Variants in UHRF2 observed in about 807,000 individuals in gnomAD.
UHRF2 encodes the protein ubiquitin like with PHD and ring finger domains 2, also known as E3 ubiquitin-protein ligase UHRF2.
In UHRF2, 23 loss-of-function variants were observed where a neutral mutation model predicts 96.8. That is an observed-to-expected ratio of 0.24 (90% CI 0.17 to 0.34). UHRF2 has a LOEUF of 0.34. Ranked by LOEUF, UHRF2 falls within the 10% of genes least tolerant of loss-of-function variation. The probability of loss-of-function intolerance (pLI) is 1.00; values close to 1 mark genes in which losing one functional copy is unlikely to be tolerated. For synonymous variants in UHRF2, 385 were observed against 332.6 expected (o/e 1.16, Z -1.72); for missense variants, 685 against 981.5 (o/e 0.70, Z 4.04).
At chr9:6,422,618 T>G (rs955244213) in intron 2 of UHRF2, 9 of 636,794 alleles carry the variant, frequency 1.4e-5, no homozygotes, top group Middle Eastern at 3.4e-4. Flanking sequence ...CTTAGATCTT[T>G]TCTTTTTTTG....
In UHRF2 at chr9:6,432,257, T is replaced by C. The variant is rs549617340; in HGVS notation, c.385-1657T>C. 7.2e-5 allele frequency among the ~76,000 whole-genome samples: 11 copies of C among 152,356 alleles called. No individual in the cohort carries two copies. In the South Asian group the frequency reaches 1.4e-3, roughly 20 times the overall value. ...CTTTCAAGCTATTTCATTGCTACCA[T>C]GTTCATTACATACAGTGCCTTTGGT... On this transcript the variant is annotated intron_variant, in intron 2 of 15. Coordinates refer to ENST00000276893, the MANE Select transcript of UHRF2 (RefSeq NM_152896.3).
At chr9:6,436,785 A>G (rs1354119375) in intron 3 of UHRF2, among the ~76,000 whole-genome samples, 1 of 152,190 alleles carries the variant, frequency 6.6e-6, no homozygotes, top group Non-Finnish European at 1.5e-5. Context: ...TGTCAGTTAG[A>G]ATGAATGTTA....
At chr9:6,505,262 CT>C (rs1816521238) in intron 15 of UHRF2, among the ~76,000 whole-genome samples, 1 of 151,838 alleles carries the variant, frequency 6.6e-6, no homozygotes, top group African/African-American at 2.4e-5. Flanking sequence ...GTATTTAGTG[CT>C]GCTAAATATA....
chr9:6,498,169 A>C lies in UHRF2; in HGVS notation c.1908+11A>C, dbSNP rs773673298. On this transcript the variant is annotated intron_variant, in intron 12 of 15. Coordinates refer to ENST00000276893, the MANE Select transcript of UHRF2 (RefSeq NM_152896.3). ...TGTCTACGTTTACAGGTTAGATTAC[A>C]TTTGTCTAGGCTGCCTGTGTGTTCA... 8 of 1,612,108 alleles carry C rather than the reference A, an allele frequency of 5.0e-6. No individual in the cohort carries two copies. In the African/African-American group the frequency reaches 5.3e-5, roughly 11 times the overall value.
intron 3 of UHRF2, among the ~76,000 whole-genome samples, chr9:6,435,309 A>G (rs776786308): frequency 1.3e-5 from 2 of 151,888 alleles, no homozygotes; most frequent in Non-Finnish European, 2.9e-5. Context: ...ATTTTTTTGT[A>G]GAGATGTGGT....
At chr9:6,483,711 CAG>C (rs1337008140) in intron 8 of UHRF2, among the ~76,000 whole-genome samples, 3 of 152,168 alleles carry the variant, frequency 2.0e-5, no homozygotes, top group Non-Finnish European at 2.9e-5. Context: ...TGTTTGGAGA[CAG>C]AGTTTCACTC....
chr9:6,478,686 C>G (rs1404091819), intron 6 of UHRF2, among the ~76,000 whole-genome samples: 1 of 152,134 alleles, frequency 6.6e-6, no homozygotes, highest in Non-Finnish European at 1.5e-5. Context: ...AGACGGACGA[C>G]TGAGTCAGAA....
intron 2 of UHRF2, among the ~76,000 whole-genome samples, chr9:6,423,441 ATTTAACTTGCT>A (rs1288376920): frequency 6.6e-6 from 1 of 152,186 alleles, no homozygotes; most frequent in Non-Finnish European, 1.5e-5. Flanking sequence ...GTATTTGCTG[ATTTAACTTGCT>A]TTTAAAAAAT....
intron 3 of UHRF2, among the ~76,000 whole-genome samples, chr9:6,452,422 C>G (rs1269069675): frequency 1.3e-5 from 2 of 152,158 alleles, no homozygotes; most frequent in South Asian, 4.1e-4. Context: ...TATGAGAGTA[C>G]TTGTTTTCCC....
intron 13 of UHRF2, among the ~76,000 whole-genome samples, chr9:6,500,192 T>A (rs1445462583): frequency 6.6e-6 from 1 of 152,146 alleles, no homozygotes; most frequent in Non-Finnish European, 1.5e-5. Context: ...GGTCTTGAAC[T>A]CCTGGGCTGA....
At chr9:6,494,055 A>G (rs1824826986) in intron 10 of UHRF2, 123 bp downstream of exon 10, 1 of 766,732 alleles carries the variant, frequency 1.3e-6, no homozygotes, top group Admixed American at 2.8e-5. Flanking sequence ...TGAAATTAAA[A>G]TTCCAGTGCC....
Position 6,504,392 on chromosome 9 carries a change from G to T in UHRF2, c.2164-201G>T, listed in dbSNP as rs142365578. 1.0e-3 allele frequency: 388 copies of T among 377,994 alleles called. 4 individuals carry two copies. In the East Asian group the frequency reaches 0.017, roughly 16 times the overall value. 23.4% of individuals were successfully genotyped at this position (377,994 alleles called of 1,614,324 possible). ...CTAAATAATAGATGGATATATTTTG[G>T]GATACATGTGAAATTTTGATATGTT... On this transcript the variant is annotated intron_variant, in intron 14 of 15. Coordinates refer to ENST00000276893, the MANE Select transcript of UHRF2 (RefSeq NM_152896.3).
At chr9:6,419,035 T>C (rs1400677269) in intron 1 of UHRF2, among the ~76,000 whole-genome samples, 1 of 152,162 alleles carries the variant, frequency 6.6e-6, no homozygotes, top group African/African-American at 2.4e-5. Flanking sequence ...AATGTCCCCT[T>C]ATTATGAGGA....
At chr9:6,446,146 C>T (rs1821488099) in intron 3 of UHRF2, among the ~76,000 whole-genome samples, 1 of 126,392 alleles carries the variant, frequency 7.9e-6, no homozygotes, top group African/African-American at 2.7e-5. Flanking sequence ...GCATACGTCA[C>T]CTCACCTGGA....
Position 6,477,753 on chromosome 9 carries a change from T to C in UHRF2, c.1105T>C (p.Tyr369His). 1 of 1,613,914 alleles carries C rather than the reference T, an allele frequency of 6.2e-7. No homozygotes were observed. Among genetic ancestry groups the C allele is most frequent in the Non-Finnish European group, 8.5e-7 (1 of 1,179,872 alleles). Residue 369 changes from tyrosine (Y) to histidine (H), a missense_variant, in exon 6 of 16, where the codon TAT becomes CAT. This residue lies in a region of UHRF2 where 391 missense variants were observed against 437.0 expected (regional missense o/e 0.89). Coordinates refer to ENST00000276893, the MANE Select transcript of UHRF2 (RefSeq NM_152896.3). ...QLLCDECNVA[Y>H]HIYCLNPPLD... ...TCTGTGTGATGAATGTAATGTGGCTTATCATATTTACTGTCTGAATCCACC... is the reference window on the plus strand; with the variant it reads ...TCTGTGTGATGAATGTAATGTGGCTCATCATATTTACTGTCTGAATCCACC...
At chr9:6,479,660 T>G (rs1040310701) in intron 6 of UHRF2, among the ~76,000 whole-genome samples, 1 of 152,204 alleles carries the variant, frequency 6.6e-6, no homozygotes, top group Non-Finnish European at 1.5e-5. Flanking sequence ...GACCACAAAA[T>G]TAGTCCAGAT....
intron 3 of UHRF2, among the ~76,000 whole-genome samples, chr9:6,440,397 G>T (rs1466693175): frequency 6.6e-6 from 1 of 152,010 alleles, no homozygotes; most frequent in African/African-American, 2.4e-5. Flanking sequence ...ATTAGCCAAG[G>T]GTCACATCTA....
intron 1 of UHRF2, chr9:6,415,117 G>C (rs935149614): frequency 1.3e-5 from 2 of 152,204 alleles, no homozygotes; most frequent in African/African-American, 4.8e-5. Flanking sequence ...TTCAGCACCA[G>C]AGATAGAAAT....
chr9:6,472,530 A>C (rs922514360), intron 4 of UHRF2, among the ~76,000 whole-genome samples: 1 of 152,228 alleles, frequency 6.6e-6, no homozygotes, highest in African/African-American at 2.4e-5. Flanking sequence ...AACCCTTCCT[A>C]AGGAATCTTC....
Sources: gnomAD v4.1 joint callset for allele counts (sites outside exome capture counted in the v4.1 genomes callset) on GRCh38, gnomAD v4.1.1 for gene constraint, gnomAD v4.1.1 regional missense constraint, MANE v1.5 for transcripts, NCBI Gene and HGNC (gene_info 2026-07-23, HGNC 2026-07-21) for gene names.